RAB37: variants seen among roughly 807,000 people sequenced by gnomAD.
RAB37 encodes ras-related protein Rab-37.
Under a neutral mutation model 33.1 loss-of-function variants are expected in RAB37, and 29 were observed. The ratio of observed to expected loss-of-function variants is 0.88; its 90% CI spans 0.65 to 1.20. RAB37 has a LOEUF of 1.20. RAB37 is among the 50% of genes most tolerant of loss of function. RAB37 has a pLI of 0.00. For missense variants in RAB37, 299 were observed against 301.1 expected (o/e 0.99, Z 0.05); for synonymous variants, 128 against 119.5 (o/e 1.07, Z -0.47).
chr17:74,697,290 C>T (rs911683392), intron 1 of RAB37, among the ~76,000 whole-genome samples: 8 of 152,176 alleles, frequency 5.3e-5, no homozygotes, highest in African/African-American at 1.9e-4. Flanking sequence ...CAGGTGGTTG[C>T]TGGTCCCTGT....
At chr17:74,741,979 G>T (rs571943028) in intron 2 of RAB37, among the ~76,000 whole-genome samples, 18 of 152,210 alleles carry the variant, frequency 1.2e-4, no homozygotes, top group African/African-American at 4.1e-4. Context: ...TCCAGCCCTG[G>T]GCTGCCTGAT....
chr17:74,683,272 T>C (rs1485209683), intron 1 of RAB37, among the ~76,000 whole-genome samples: 1 of 152,104 alleles, frequency 6.6e-6, no homozygotes, highest in Non-Finnish European at 1.5e-5. Flanking sequence ...AAATAGATGA[T>C]CCAACTGTGG....
chr17:74,721,577 T>G (rs2034241460), intron 1 of RAB37, among the ~76,000 whole-genome samples: 1 of 151,988 alleles, frequency 6.6e-6, no homozygotes, highest in South Asian at 2.1e-4. Context: ...GCATTACAGG[T>G]GCACGTCACC....
chr17:74,720,043 A>G (rs183672567), intron 1 of RAB37, among the ~76,000 whole-genome samples: 4 of 152,306 alleles, frequency 2.6e-5, no homozygotes, highest in Admixed American at 2.6e-4. Flanking sequence ...TCTTTTGCTT[A>G]ATAATGAACT....
intron 2 of RAB37, among the ~76,000 whole-genome samples, chr17:74,731,793 A>G (rs936826385): frequency 6.6e-5 from 10 of 152,212 alleles, no homozygotes; most frequent in African/African-American, 1.4e-4. Flanking sequence ...GGATCACTTG[A>G]GGCCAGGAGT....
chr17:74,718,226 G>A (rs572508055), intron 1 of RAB37, among the ~76,000 whole-genome samples: 1 of 151,162 alleles, frequency 6.6e-6, no homozygotes, highest in Non-Finnish European at 1.5e-5. Flanking sequence ...CCCAGGAGAC[G>A]GAGGTTGCAG....
chr17:74,733,596 GTT>G (rs749465189), upstream of RAB37, among the ~76,000 whole-genome samples: 6 of 57,738 alleles, frequency 1.0e-4, no homozygotes, highest in Middle Eastern at 5.6e-3. Context: ...TCTGTGGTGT[GTT>G]GTGGGTGGGT....
chr17:74,675,175 G>T (rs11655369), intron 1 of RAB37, among the ~76,000 whole-genome samples: 1 of 151,928 alleles, frequency 6.6e-6, no homozygotes, highest in East Asian at 1.9e-4. Flanking sequence ...TTGGCTGGGC[G>T]CAGTGGCTCC....
At position 74,741,030 on chromosome 17, in the gene RAB37, G is replaced by C. The variant is rs547847287; in HGVS notation, c.204+152G>C. On this transcript the variant is annotated intron_variant, in intron 2 of 8. Transcript: ENST00000392613. ...CAACCCGCTCCCCCAAGACCACAGA[G>C]GTGGCCGGGTCAAAGGAGACTGGGC... The C allele has an allele frequency of 2.1e-4, 137 of 650,912 alleles. No homozygotes were observed. The Middle Eastern group carries it at 2.8e-3, about 13-fold the overall frequency. The allele number at this position is 650,912 out of a possible 1,614,324, so 40.3% of individuals were successfully genotyped here. A position where few individuals can be genotyped will look rare whatever the true frequency, so the allele number is the denominator to read the frequency against.
chr17:74,704,240 C>A (rs1567792144), intron 1 of RAB37: 3 of 523,178 alleles, frequency 5.7e-6, no homozygotes, highest in Non-Finnish European at 1.0e-5. Flanking sequence ...CTGAGCTGTG[C>A]AGAGGTAAAA....
At chr17:74,690,365 T>C (rs1051433513) in intron 1 of RAB37, among the ~76,000 whole-genome samples, 2 of 152,088 alleles carry the variant, frequency 1.3e-5, no homozygotes, top group South Asian at 2.1e-4. Context: ...TGCTTAGAAA[T>C]CTTGGAGTTT....
At chr17:74,739,135 G>A (rs973887274) in intron 1 of RAB37, among the ~76,000 whole-genome samples, 4 of 152,092 alleles carry the variant, frequency 2.6e-5, no homozygotes, top group Non-Finnish European at 4.4e-5. Flanking sequence ...AATGCCTTTG[G>A]GCTCCACTGT....
intron 1 of RAB37, among the ~76,000 whole-genome samples, chr17:74,673,671 G>T (rs1481525955): frequency 6.6e-6 from 1 of 151,868 alleles, no homozygotes; most frequent in Non-Finnish European, 1.5e-5. Context: ...TGAGTTTATT[G>T]ATCACCAAAT....
chr17:74,704,651 C>T, intron 1 of RAB37: 1 of 1,614,174 alleles, frequency 6.2e-7, no homozygotes, highest in Non-Finnish European at 8.5e-7. Flanking sequence ...CTGCTCTGAC[C>T]CACTGGTTTT....
chr17:74,682,666 A>G (rs1054552806), intron 1 of RAB37, among the ~76,000 whole-genome samples: 2 of 152,172 alleles, frequency 1.3e-5, no homozygotes, highest in Admixed American at 1.3e-4. Flanking sequence ...GCACTTTGGG[A>G]GGTCAAGGCG....
intron 2 of RAB37, among the ~76,000 whole-genome samples, chr17:74,741,079 T>C (rs750296431): frequency 1.3e-5 from 2 of 151,928 alleles, no homozygotes; most frequent in Non-Finnish European, 2.9e-5. Context: ...TGCCCAACTA[T>C]AGGATGCAAA....
Position 74,715,369 on chromosome 17 carries a change from T to C in RAB37, c.73-13887T>C, listed in dbSNP as rs557504293. The stretch of plus-strand genomic sequence containing the variant: ...CCAGGACGTGGCCAGAGATGGCTTC[T>C]CGCTTTACATATCTGCAGACCATAA... On this transcript the variant is annotated intron_variant, in intron 1 of 7. Coordinates refer to the RAB37 transcript ENST00000340415. Among the ~76,000 whole-genome samples the C allele has an allele frequency of 3.3e-5, 5 of 152,324 alleles. No individual in the cohort carries two copies. The South Asian group carries it at 1.0e-3, about 32-fold the overall frequency.
At chr17:74,704,881 T>G (rs2033385263) in intron 1 of RAB37, 1 of 1,277,298 alleles carries the variant, frequency 7.8e-7, no homozygotes, top group Admixed American at 2.1e-5. Context: ...GCTTTCTGTT[T>G]AGGGAATAGC....
chr17:74,741,566 A>G (rs1351544418), intron 2 of RAB37, among the ~76,000 whole-genome samples: 2 of 142,742 alleles, frequency 1.4e-5, no homozygotes, highest in Non-Finnish European at 3.0e-5. Context: ...AGCCTGGGCA[A>G]CAAAGTGAGA....
Sources: gnomAD v4.1 joint callset for allele counts (sites outside exome capture counted in the v4.1 genomes callset) on GRCh38, gnomAD v4.1.1 for gene constraint, MANE v1.5 for transcripts, NCBI Gene and HGNC (gene_info 2026-07-23, HGNC 2026-07-21) for gene names.